The following ABCA13 variants were observed in gnomAD, a reference collection of about 807,000 sequenced individuals.
The protein encoded by ABCA13 is ATP-binding cassette sub-family A member 13.
In ABCA13, 476 loss-of-function variants were observed where a neutral mutation model predicts 478.7. The observed-to-expected ratio is 0.99, with a 90% CI of 0.92 to 1.07. The LOEUF is 1.07. Ranked by LOEUF, ABCA13 falls within the 50% of genes least tolerant of loss-of-function variation. ABCA13 has a pLI of 0.00. For synonymous variants in ABCA13, 2,252 were observed against 2,158.9 expected (o/e 1.04, Z -1.20); for missense variants, 6,060 against 5,910.6 (o/e 1.03, Z -0.83).
At chr7:48,345,247 CTGT>C (rs1807888031) in intron 29 of ABCA13, among the ~76,000 whole-genome samples, 1 of 152,164 alleles carries the variant, frequency 6.6e-6, no homozygotes, top group Admixed American at 6.5e-5. Context: ...TAATAAACTA[CTGT>C]TATTATTGGT....
At chr7:48,448,455 C>T (rs1166760716) in intron 42 of ABCA13, among the ~76,000 whole-genome samples, 1 of 152,120 alleles carries the variant, frequency 6.6e-6, no homozygotes, top group Admixed American at 6.5e-5. Context: ...GTTTCAGCAA[C>T]CTTTATTCAA....
At chr7:48,396,463 A>T (rs533390064) in intron 38 of ABCA13, among the ~76,000 whole-genome samples, 90 of 152,178 alleles carry the variant, frequency 5.9e-4, no homozygotes, top group African/African-American at 2.1e-3. Context: ...GCTCCAGGAG[A>T]TGGTGCCATG....
chr7:48,354,547 G>A (rs1307839157), intron 31 of ABCA13, among the ~76,000 whole-genome samples: 2 of 152,004 alleles, frequency 1.3e-5, no homozygotes, highest in Non-Finnish European at 2.9e-5. Flanking sequence ...TCTGATGTAT[G>A]AGAAACATTC....
intron 1 of ABCA13, among the ~76,000 whole-genome samples, chr7:48,180,697 G>C (rs1244181172): frequency 1.3e-5 from 2 of 152,116 alleles, no homozygotes; most frequent in South Asian, 4.1e-4. Flanking sequence ...AAAGTGTTGG[G>C]ATTACAGGCG....
chr7:48,419,293 A>T (rs17548949), intron 41 of ABCA13, among the ~76,000 whole-genome samples: 2 of 152,034 alleles, frequency 1.3e-5, no homozygotes, highest in Admixed American at 6.6e-5. Flanking sequence ...TCTGTTTAGT[A>T]GTCACCTTTC....
At position 48,313,198 on chromosome 7, in the gene ABCA13, C is replaced by T. The variant is rs1269589644; in HGVS notation, c.9648C>T (p.Ile3216=). Residue 3216 remains isoleucine, a synonymous_variant, in exon 25 of 62, where the codon ATC becomes ATT. Transcript: ENST00000435803. ...CTGAGTTTCTTCACACATTTAAAAT[C>T]ACTGCCTTGCTAGAAACCCTGGACT... ...YLPEFLHTFK[I]TALLETLDFQ... 1 of 1,612,138 alleles carries T rather than the reference C, an allele frequency of 6.2e-7. No homozygotes were observed. Among genetic ancestry groups the T allele is most frequent in the Admixed American group, 1.7e-5 (1 of 59,778 alleles).
chr7:48,295,671 C>T (rs756531208), intron 20 of ABCA13, 29 bp from the exon 21 acceptor site: 3 of 1,613,096 alleles, frequency 1.9e-6, no homozygotes, highest in Non-Finnish European at 2.5e-6. Flanking sequence ...ATGTGTGCTT[C>T]TAACCTATAT....
Position 48,219,345 on chromosome 7 carries a change from T to G in ABCA13, c.288-9T>G, listed in dbSNP as rs1786996622. The G allele has an allele frequency of 6.3e-7, 1 of 1,595,216 alleles. No homozygotes were observed. Among genetic ancestry groups the G allele is most frequent in the African/African-American group, 1.4e-5 (1 of 73,330 alleles). On this transcript the variant is annotated splice_polypyrimidine_tract_variant and intron_variant, in intron 3 of 61. Transcript: ENST00000435803. Reference sequence around the variant, plus strand: ...AGAGTTTCACTTGCAGTATTTATTCTGTTTAAAGTTTGTCTAGGTTCCAAA... The same window carrying G: ...AGAGTTTCACTTGCAGTATTTATTCGGTTTAAAGTTTGTCTAGGTTCCAAA...
At position 48,298,423 on chromosome 7, in the gene ABCA13, C is replaced by T. The variant is rs1020323110; in HGVS notation, c.9257C>T (p.Ser3086Phe). The T allele has an allele frequency of 6.2e-7, 1 of 1,613,200 alleles. No individual in the cohort carries two copies. Among genetic ancestry groups the T allele is most frequent in the Non-Finnish European group, 8.5e-7 (1 of 1,179,446 alleles). Residue 3086 changes from serine (S) to phenylalanine (F), a missense_variant, in exon 23 of 62, where the codon TCT becomes TTT. This residue lies in a region of ABCA13 where 4,423 missense variants were observed against 4,309.1 expected (regional missense o/e 1.03). Coordinates refer to ENST00000435803, the MANE Select transcript of ABCA13 (RefSeq NM_152701.5). ...NITKLTEELR[S>F]SIQISNETIH... ...ACCAAGTTGACTGAGGAGCTTCGCT[C>T]TTCCATCCAAATCTCGAATGAGACT...
At chr7:48,456,986 G>T (rs1161063142) in intron 43 of ABCA13, among the ~76,000 whole-genome samples, 1 of 151,880 alleles carries the variant, frequency 6.6e-6, no homozygotes, top group African/African-American at 2.4e-5. Flanking sequence ...CCAATTAACA[G>T]TCTTATAAAG....
Position 48,327,471 on chromosome 7 carries a change from G to A in ABCA13, c.10000-7951G>A, listed in dbSNP as rs76277430. Among the ~76,000 whole-genome samples the A allele has an allele frequency of 3.9e-5, 6 of 152,104 alleles. No individual in the cohort carries two copies. The East Asian group carries it at 1.2e-3, about 29-fold the overall frequency. On this transcript the variant is annotated intron_variant, in intron 27 of 61. Coordinates refer to ENST00000435803, the MANE Select transcript of ABCA13 (RefSeq NM_152701.5). The stretch of plus-strand genomic sequence containing the variant: ...GGAAGTACAATTCAAGATGAGATTT[G>A]GTTGGGGACACAGCAAAACCATATC...
At chr7:48,236,705 A>T (rs750623827) in intron 8 of ABCA13, among the ~76,000 whole-genome samples, 6 of 152,224 alleles carry the variant, frequency 3.9e-5, no homozygotes, top group Non-Finnish European at 5.9e-5. Flanking sequence ...ATAATCGCCC[A>T]TCTCAAAGCC....
chr7:48,507,113 A>C (rs1267601546), intron 49 of ABCA13, among the ~76,000 whole-genome samples: 4 of 152,182 alleles, frequency 2.6e-5, no homozygotes, highest in Non-Finnish European at 4.4e-5. Context: ...CGTTCACTTA[A>C]TGATTTTCAG....
At chr7:48,343,630 G>T (rs910653593) in intron 29 of ABCA13, among the ~76,000 whole-genome samples, 1 of 151,874 alleles carries the variant, frequency 6.6e-6, no homozygotes, top group South Asian at 2.1e-4. Context: ...GGGAGCAGGT[G>T]GTGGTTGGTT....
intron 13 of ABCA13, among the ~76,000 whole-genome samples, chr7:48,247,369 A>T (rs774357229): frequency 1.3e-5 from 2 of 152,064 alleles, no homozygotes; most frequent in East Asian, 3.9e-4. Flanking sequence ...CCTATCTCAA[A>T]TTTATTTTTA....
chr7:48,478,209 T>C (rs1324099262), intron 45 of ABCA13, among the ~76,000 whole-genome samples: 1 of 148,200 alleles, frequency 6.7e-6, no homozygotes, highest in East Asian at 1.9e-4. Context: ...TGATATGATA[T>C]ATATACATAT....
intron 39 of ABCA13, among the ~76,000 whole-genome samples, chr7:48,407,764 G>C (rs994455718): frequency 6.6e-6 from 1 of 151,986 alleles, no homozygotes; most frequent in Non-Finnish European, 1.5e-5. Flanking sequence ...CTGCATGTTG[G>C]CCAGGCTACT....
At chr7:48,176,382 A>G (rs1389632305) in intron 1 of ABCA13, among the ~76,000 whole-genome samples, 1 of 152,154 alleles carries the variant, frequency 6.6e-6, no homozygotes. Context: ...CTGGAAGAGG[A>G]TAATGGAAAC....
chr7:48,505,435 A>G (rs886631775), intron 48 of ABCA13, among the ~76,000 whole-genome samples: 3 of 152,194 alleles, frequency 2.0e-5, no homozygotes, highest in Non-Finnish European at 4.4e-5. Context: ...GATAAGATGA[A>G]TTAAAATACA....
Sources: gnomAD v4.1 joint callset for allele counts (sites outside exome capture counted in the v4.1 genomes callset) on GRCh38, gnomAD v4.1.1 for gene constraint, gnomAD v4.1.1 regional missense constraint, MANE v1.5 for transcripts, NCBI Gene and HGNC (gene_info 2026-07-23, HGNC 2026-07-21) for gene names.